The following ST7 variants were observed in gnomAD, a reference collection of about 807,000 sequenced individuals.
ST7 encodes suppression of tumorigenicity 7.
In ST7, 28 loss-of-function variants were observed where a neutral mutation model predicts 78.7. The ratio of observed to expected loss-of-function variants is 0.36; its 90% CI spans 0.26 to 0.49. The LOEUF (loss-of-function observed/expected upper bound fraction) is 0.49, where lower values mean the gene tolerates loss of function less well. Ranked by LOEUF, ST7 falls within the 20% of genes least tolerant of loss-of-function variation. The pLI, the probability that ST7 is intolerant of heterozygous loss-of-function variation, is 0.99. For missense variants in ST7, 418 were observed against 696.0 expected, an observed-to-expected ratio of 0.60 and a Z score of 4.49; for synonymous variants, 247 against 249.6, an observed-to-expected ratio of 0.99 and a Z score of 0.10.
intron 1 of ST7, 120 bp from the exon 2 acceptor site, chr7:117,099,642 T>C: frequency 1.4e-6 from 1 of 695,712 alleles, no homozygotes; most frequent in Non-Finnish European, 2.4e-6. Context: ...ACTATGGTTC[T>C]AAGAATTATC....
At chr7:117,174,296 T>C (rs1205344171) in intron 10 of ST7, among the ~76,000 whole-genome samples, 2 of 152,352 alleles carry the variant, frequency 1.3e-5, no homozygotes, top group East Asian at 3.9e-4. Context: ...CTTCACACAG[T>C]GACTAAAATA....
intron 1 of ST7, among the ~76,000 whole-genome samples, chr7:117,082,949 G>A (rs975557868): frequency 1.3e-5 from 2 of 152,292 alleles, no homozygotes; most frequent in Admixed American, 6.5e-5. Flanking sequence ...TAGTCGCTCT[G>A]TTTGTAATAC....
intron 1 of ST7, chr7:117,074,559 A>G (rs1799210428): frequency 6.6e-6 from 1 of 152,222 alleles, no homozygotes; most frequent in Admixed American, 6.5e-5. Context: ...AATGCAATTT[A>G]CAAATATCTG....
At chr7:117,027,310 G>A (rs559196874) in intron 1 of ST7, among the ~76,000 whole-genome samples, 41 of 152,086 alleles carry the variant, frequency 2.7e-4, no homozygotes, top group African/African-American at 8.9e-4. Context: ...GCATGGTGGC[G>A]CATGCCTGTA....
chr7:117,039,164 C>G (rs1797073771), intron 1 of ST7, among the ~76,000 whole-genome samples: 1 of 152,054 alleles, frequency 6.6e-6, no homozygotes, highest in Non-Finnish European at 1.5e-5. Flanking sequence ...CGTAACCATG[C>G]TTTTTTCCTT....
intron 13 of ST7, among the ~76,000 whole-genome samples, chr7:117,211,189 C>T (rs1792258194): frequency 6.6e-6 from 1 of 152,164 alleles, no homozygotes; most frequent in Non-Finnish European, 1.5e-5. Flanking sequence ...AGCAAATTAG[C>T]AGTAGTTCTG....
intron 12 of ST7, among the ~76,000 whole-genome samples, chr7:117,196,385 ACCAAC>A (rs1424902457): frequency 5.2e-5 from 5 of 95,408 alleles, no homozygotes; most frequent in East Asian, 9.3e-4. Context: ...GTACATTCCC[ACCAAC>A]AGTGCACAAG....
chr7:117,018,387 T>G (rs535087155), intron 1 of ST7, among the ~76,000 whole-genome samples: 52 of 152,342 alleles, frequency 3.4e-4, no homozygotes, highest in Middle Eastern at 6.8e-3. Context: ...TCCCCCTTGG[T>G]TGTCGATGTG....
intron 1 of ST7, among the ~76,000 whole-genome samples, chr7:117,023,730 T>G (rs1196424882): frequency 6.6e-6 from 1 of 152,072 alleles, no homozygotes; most frequent in African/African-American, 2.4e-5. Context: ...TCAAGTTTTG[T>G]TGAGGAAGGT....
chr7:117,100,364 A>G (rs1436112193), intron 2 of ST7, among the ~76,000 whole-genome samples: 1 of 152,116 alleles, frequency 6.6e-6, no homozygotes, highest in Admixed American at 6.6e-5. Flanking sequence ...AGTCCCAGCT[A>G]TCTGGGAGGC....
chr7:117,189,017 A>G (rs1162568650), intron 10 of ST7, among the ~76,000 whole-genome samples: 1 of 152,202 alleles, frequency 6.6e-6, no homozygotes, highest in African/African-American at 2.4e-5. Flanking sequence ...CTAAATGTAT[A>G]TATTTATAGC....
At chr7:117,229,358 C>T (rs1441631053) in intron 15 of ST7, among the ~76,000 whole-genome samples, 2 of 152,234 alleles carry the variant, frequency 1.3e-5, no homozygotes, top group Non-Finnish European at 2.9e-5. Context: ...GTGAGCTCTA[C>T]ACCCAGCTAG....
At chr7:116,989,492 T>C (rs1190816034) in intron 1 of ST7, among the ~76,000 whole-genome samples, 2 of 152,162 alleles carry the variant, frequency 1.3e-5, no homozygotes, top group African/African-American at 4.8e-5. Flanking sequence ...ATTCCAAGGA[T>C]ATAACATCTT....
At chr7:117,035,952 G>T (rs1796875757) in intron 1 of ST7, among the ~76,000 whole-genome samples, 1 of 152,124 alleles carries the variant, frequency 6.6e-6, no homozygotes, top group Non-Finnish European at 1.5e-5. Context: ...GGGAATTCTT[G>T]AGAAGTATAC....
intron 1 of ST7, chr7:116,958,582 T>C (rs1451435930): frequency 2.1e-6 from 1 of 470,814 alleles, no homozygotes; most frequent in Admixed American, 2.4e-5. Context: ...CCCACCCATC[T>C]ATCAAGGACC....
chr7:116,992,454 C>T (rs1003503078), intron 1 of ST7, among the ~76,000 whole-genome samples: 1 of 152,220 alleles, frequency 6.6e-6, no homozygotes, highest in African/African-American at 2.4e-5. Flanking sequence ...GAAGCCATGG[C>T]CTGAGCTTTA....
chr7:117,106,259 A>G lies in ST7; in HGVS notation c.234+6415A>G, dbSNP rs528185816. ...AAGATCCACCCGCCTCGGCCTCCCAAAGTGCTGGGATTACAGGCGTGAGCC... is the reference window on the plus strand; with the variant it reads ...AAGATCCACCCGCCTCGGCCTCCCAGAGTGCTGGGATTACAGGCGTGAGCC... On this transcript the variant is annotated intron_variant, in intron 2 of 15. Coordinates refer to ENST00000323984, the MANE Select transcript of ST7 (RefSeq NM_001369598.1). Among the ~76,000 whole-genome samples the G allele has an allele frequency of 2.6e-5, 4 of 152,168 alleles. No homozygotes were observed. In the East Asian group the frequency reaches 7.7e-4, roughly 29 times the overall value.
At chr7:117,206,612 G>T (rs1331717291) in intron 12 of ST7, among the ~76,000 whole-genome samples, 1 of 152,126 alleles carries the variant, frequency 6.6e-6, no homozygotes, top group Admixed American at 6.5e-5. Flanking sequence ...TAAGCCATCC[G>T]TCTCACACAC....
chr7:117,155,306 A>G (rs1806601917), intron 9 of ST7, among the ~76,000 whole-genome samples: 1 of 152,210 alleles, frequency 6.6e-6, no homozygotes. Flanking sequence ...GATGAATTTG[A>G]AAAGGCAGGG....
Sources: allele counts gnomAD v4.1 joint callset (sites outside exome capture counted in the v4.1 genomes callset), GRCh38; gene constraint gnomAD v4.1.1; transcripts MANE v1.5; gene names NCBI Gene and HGNC (gene_info 2026-07-23, HGNC 2026-07-21).